Variants in HGF observed in about 807,000 individuals in gnomAD.
HGF encodes the protein fibroblast-derived tumor cytotoxic factor.
A neutral mutation model predicts 111.6 loss-of-function variants in HGF; 39 were observed. The ratio of observed to expected loss-of-function variants is 0.35; its 90% CI spans 0.27 to 0.46. The LOEUF (loss-of-function observed/expected upper bound fraction) is 0.46. Ranked by LOEUF, HGF falls within the 20% of genes least tolerant of loss-of-function variation. The probability of loss-of-function intolerance (pLI) is 1.00; values close to 1 mark genes in which losing one functional copy is unlikely to be tolerated. For synonymous variants in HGF, 285 were observed against 294.8 expected, an observed-to-expected ratio of 0.97 and a Z score of 0.34; for missense variants, 735 against 910.5, an observed-to-expected ratio of 0.81 and a Z score of 2.48.
At chr7:81,718,456 T>A (rs1379556425) in intron 10 of HGF, among the ~76,000 whole-genome samples, 1 of 152,182 alleles carries the variant, frequency 6.6e-6, no homozygotes, top group Non-Finnish European at 1.5e-5. Flanking sequence ...AACCCATGGC[T>A]ATTTCAAGAG....
Position 81,720,852 on chromosome 7 carries a change from A to G in HGF, c.1169-5T>C, listed in dbSNP as rs780937878. 6 of 1,476,902 alleles carry G rather than the reference A, an allele frequency of 4.1e-6. No individual in the cohort carries two copies. In the East Asian group the frequency reaches 1.4e-4, roughly 33 times the overall value. The allele number at this position is 1,476,902 out of a possible 1,614,324, so 91.5% of individuals were successfully genotyped here. On this transcript the variant is annotated splice_polypyrimidine_tract_variant and splice_region_variant and intron_variant, in intron 9 of 17. Transcript: ENST00000222390. ...TGCCATTCCCACGATAACAATCTAG[A>G]CATAAAATATACAGAAATAAGTCCA...
intron 5 of HGF, among the ~76,000 whole-genome samples, chr7:81,748,383 G>C (rs1249126668): frequency 6.6e-6 from 1 of 152,134 alleles, no homozygotes; most frequent in Non-Finnish European, 1.5e-5. Flanking sequence ...GTCAATGGCT[G>C]AAAAGTTGGC....
At position 81,752,278 on chromosome 7, in the gene HGF, T is replaced by A. The variant is rs756056326; in HGVS notation, c.483-16A>T. 1.2e-6 allele frequency: 2 copies of A among 1,612,104 alleles called. No homozygotes were observed. The highest frequency in any genetic ancestry group is 1.1e-5 in the South Asian group (1 of 91,048). Reference sequence around the variant, plus strand: ...AGGCAAAAAGCTAGTTTTAAAATGATAATCATTACAGTATAAGAGCATGCA... The same window carrying A: ...AGGCAAAAAGCTAGTTTTAAAATGAAAATCATTACAGTATAAGAGCATGCA... On this transcript the variant is annotated splice_polypyrimidine_tract_variant and intron_variant, in intron 4 of 17. Coordinates refer to ENST00000222390, the MANE Select transcript of HGF (RefSeq NM_000601.6).
Position 81,752,238 on chromosome 7 carries a change from A to G in HGF, c.507T>C (p.Gly169=), listed in dbSNP as rs540789414. Residue 169 remains glycine (G), a synonymous_variant, in exon 5 of 18, where the codon GGT becomes GGC. Transcript: ENST00000222390. ...GACAGTAGTTTTCCTGTAGGTCTTT[A>G]CCCCGATAGCTCGAAGGCAAAAAGC... ...EHSFLPSSYR[G]KDLQENYCRN... 6.2e-7 allele frequency: 1 copy of G among 1,613,446 alleles called. No individual in the cohort carries two copies. Among genetic ancestry groups the G allele is most frequent in the Admixed American group, 1.7e-5 (1 of 59,978 alleles).
At chr7:81,726,140 A>G in intron 8 of HGF, 123 bp from the exon 9 acceptor site, 1 of 931,976 alleles carries the variant, frequency 1.1e-6, no homozygotes, top group South Asian at 1.3e-5. Flanking sequence ...AACTTTTTGG[A>G]CTCAGAATAG....
chr7:81,752,317 T>C, intron 4 of HGF, 55 bp from the exon 5 acceptor site: 1 of 1,499,748 alleles, frequency 6.7e-7, no homozygotes. Context: ...TTTTTTTGCC[T>C]ATTAATTTTA....
chr7:81,760,340 T>C (rs1020978570), intron 2 of HGF, among the ~76,000 whole-genome samples: 1 of 152,212 alleles, frequency 6.6e-6, no homozygotes, highest in African/African-American at 2.4e-5. Flanking sequence ...GAGCTTAGAA[T>C]CAGGCATTCT....
In HGF at chr7:81,711,678, C is replaced by T. The variant is rs189650629; in HGVS notation, c.1406-159G>A. Among the ~76,000 whole-genome samples, 22 of 152,224 alleles carry T rather than the reference C, an allele frequency of 1.4e-4. 1 individual carries two copies. The East Asian group carries it at 4.3e-3, about 29-fold the overall frequency. On this transcript the variant is annotated intron_variant, in intron 11 of 17. Transcript: ENST00000222390. ...TTTTGTTTTGAGACAGAGTCTCATT[C>T]TGTCACCCAGGCTGGAGTCCAGTGG...
chr7:81,710,638 AC>A lies in HGF; in HGVS notation c.1445-396del, dbSNP rs1789548936. ...GAAATCAATAGATTCAGTGAAAAAA[AC>A]AAAACCAAGCTTTACTTGGATATTA... is the stretch of plus-strand genomic sequence containing the variant. On this transcript the variant is annotated intron_variant, in intron 12 of 17. Coordinates refer to ENST00000222390, the MANE Select transcript of HGF (RefSeq NM_000601.6). Among the ~76,000 whole-genome samples, 4 of 152,284 alleles carry A rather than the reference AC, an allele frequency of 2.6e-5. No individual in the cohort carries two copies. The South Asian group carries it at 8.3e-4, about 32-fold the overall frequency.
Position 81,701,449 on chromosome 7 carries a change from T to C in HGF, c.*1132A>G, listed in dbSNP as rs1251491825. 2.6e-5 allele frequency: 4 copies of C among 151,594 alleles called. No individual in the cohort carries two copies. The highest frequency in any genetic ancestry group is 4.4e-5 in the Non-Finnish European group (3 of 67,646). 9.4% of individuals were successfully genotyped at this position (151,594 alleles called of 1,614,324 possible). ...AATGCATGACTTGATGAAGGGTATT[T>C]ATAAAACTTTGGAGACTTGGAAATT... On this transcript the variant is annotated 3_prime_UTR_variant, in exon 18 of 18. Transcript: ENST00000222390.
chr7:81,736,827 G>C lies in HGF; in HGVS notation c.865+6526C>G, dbSNP rs1787842230. ...AAATATAGATAGGCGGTAACAGATG[G>C]TTATGTTTTGTCATTGCCCTAAGAT... On this transcript the variant is annotated intron_variant, in intron 7 of 17. Transcript: ENST00000222390. 3 of 440,182 alleles carry C rather than the reference G, an allele frequency of 6.8e-6. No homozygotes were observed. In the Admixed American group the frequency reaches 7.8e-5, roughly 11 times the overall value. The allele number at this position is 440,182 out of a possible 1,614,324, so 27.3% of individuals were successfully genotyped here.
chr7:81,702,516 A>G lies in HGF; in HGVS notation c.*65T>C. On this transcript the variant is annotated 3_prime_UTR_variant, in exon 18 of 18. Coordinates refer to ENST00000222390, the MANE Select transcript of HGF (RefSeq NM_000601.6). ...TTGTAAGTGACATTTTAAATTCCAC[A>G]TTCTCTGAAATCTTCATGTAAAAGA... The G allele has an allele frequency of 1.5e-6, 2 of 1,307,512 alleles. No homozygotes were observed. The highest frequency in any genetic ancestry group is 2.2e-6 in the Non-Finnish European group (2 of 904,624). The allele number at this position is 1,307,512 out of a possible 1,614,324, so 81.0% of individuals were successfully genotyped here. A position where few individuals can be genotyped will look rare whatever the true frequency, so the allele number is the denominator to read the frequency against.
intron 5 of HGF, 117 bp from the exon 6 acceptor site, chr7:81,745,237 A>T: frequency 1.9e-6 from 2 of 1,058,746 alleles, no homozygotes; most frequent in East Asian, 2.5e-5. Flanking sequence ...AATCCTACAC[A>T]TCATTCTAAC....
intron 7 of HGF, chr7:81,742,782 A>T: frequency 4.6e-6 from 7 of 1,537,952 alleles, no homozygotes; most frequent in Non-Finnish European, 6.1e-6. Context: ...TAAAAGACAG[A>T]TCGAAACAGA....
chr7:81,704,041 T>C (rs1160409152), intron 17 of HGF, among the ~76,000 whole-genome samples: 1 of 151,786 alleles, frequency 6.6e-6, no homozygotes, highest in Non-Finnish European at 1.5e-5. Flanking sequence ...TTGGGAGATA[T>C]CTCCTTCAAA....
At chr7:81,713,575 G>T (rs981914138) in intron 11 of HGF, among the ~76,000 whole-genome samples, 3 of 151,914 alleles carry the variant, frequency 2.0e-5, no homozygotes, top group Non-Finnish European at 4.4e-5. Flanking sequence ...ATACATTTTG[G>T]GTTTTAATAA....
chr7:81,743,815 C>T (rs1042456063), intron 6 of HGF, among the ~76,000 whole-genome samples: 10 of 152,088 alleles, frequency 6.6e-5, no homozygotes, highest in African/African-American at 1.9e-4. Context: ...AAAACAGGTC[C>T]TCTTCTAGGG....
chr7:81,717,750 T>A (rs1789751896), intron 10 of HGF, among the ~76,000 whole-genome samples: 1 of 152,146 alleles, frequency 6.6e-6, no homozygotes, highest in African/African-American at 2.4e-5. Flanking sequence ...CAAGCTATTA[T>A]ACAAGTATTT....
At chr7:81,751,435 A>AAGTAAGGACAAT (rs1788492214) in intron 5 of HGF, 1 of 985,224 alleles carries the variant, frequency 1.0e-6, no homozygotes, top group East Asian at 1.1e-4. Flanking sequence ...CCACTGCAAA[A>AAGTAAGGACAAT]GTAAGGACAA....
Sources: gnomAD v4.1 joint callset for allele counts (sites outside exome capture counted in the v4.1 genomes callset) on GRCh38, gnomAD v4.1.1 for gene constraint, MANE v1.5 for transcripts, NCBI Gene and HGNC (gene_info 2026-07-23, HGNC 2026-07-21) for gene names.